KATNBL1: variants seen among roughly 807,000 people sequenced by gnomAD.
KATNBL1 encodes the protein KATNB1-like protein 1.
In KATNBL1, 28 loss-of-function variants were observed where a neutral mutation model predicts 44.7. That is an observed-to-expected ratio of 0.63 (90% confidence interval 0.46 to 0.86). The LOEUF (loss-of-function observed/expected upper bound fraction) is 0.86. Among genes scored for constraint, KATNBL1 ranks in the 40% least tolerant of loss-of-function variants. The pLI, the probability that KATNBL1 is intolerant of heterozygous loss-of-function variation, is 0.00. For missense variants in KATNBL1, 272 were observed against 350.7 expected (o/e 0.78, Z 1.79); for synonymous variants, 78 against 114.9 (o/e 0.68, Z 2.06).
At chr15:34,157,293 T>C (rs1412674335) in intron 2 of KATNBL1, among the ~76,000 whole-genome samples, 1 of 152,200 alleles carries the variant, frequency 6.6e-6, no homozygotes, top group African/African-American at 2.4e-5. Context: ...CCCATGATTC[T>C]GGAGGAGGTG....
intron 1 of KATNBL1, among the ~76,000 whole-genome samples, chr15:34,187,191 A>T (rs764067345): frequency 1.3e-5 from 2 of 152,190 alleles, no homozygotes; most frequent in Admixed American, 6.5e-5. Context: ...GGAAGAGAGA[A>T]GCTGCCCTAT....
chr15:34,145,245 C>T, intron 9 of KATNBL1, 153 bp downstream of exon 9: 1 of 1,409,200 alleles, frequency 7.1e-7, no homozygotes, highest in Non-Finnish European at 9.4e-7. Flanking sequence ...CAGTTACACG[C>T]AGAGGACCTG....
chr15:34,189,290 C>T (rs939434540), intron 1 of KATNBL1, among the ~76,000 whole-genome samples: 2 of 152,244 alleles, frequency 1.3e-5, no homozygotes, highest in African/African-American at 4.8e-5. Context: ...TCCCAAAGTG[C>T]TGGGATTACA....
intron 1 of KATNBL1, among the ~76,000 whole-genome samples, chr15:34,204,378 C>A (rs1002889820): frequency 3.9e-5 from 6 of 152,106 alleles, no homozygotes; most frequent in Non-Finnish European, 8.8e-5. Context: ...ATATTTAATT[C>A]TTTTCTTATT....
intron 1 of KATNBL1, among the ~76,000 whole-genome samples, chr15:34,193,282 C>T (rs1441070557): frequency 6.7e-6 from 1 of 149,700 alleles, no homozygotes; most frequent in Non-Finnish European, 1.5e-5. Context: ...GCCTGTAATC[C>T]CAGCACTTTG....
intron 1 of KATNBL1, among the ~76,000 whole-genome samples, chr15:34,194,093 C>T (rs944133826): frequency 3.9e-5 from 6 of 152,032 alleles, no homozygotes; most frequent in African/African-American, 9.7e-5. Flanking sequence ...AGGTGCACGC[C>T]ACCATGCCTG....
chr15:34,194,433 A>T (rs1025668152), intron 1 of KATNBL1, among the ~76,000 whole-genome samples: 1 of 151,868 alleles, frequency 6.6e-6, no homozygotes, highest in African/African-American at 2.4e-5. Flanking sequence ...ACATACTGAG[A>T]CCCTGTCTCT....
intron 3 of KATNBL1, 122 bp downstream of exon 3, chr15:34,154,522 A>G (rs746136954): frequency 1.1e-5 from 8 of 707,426 alleles, no homozygotes; most frequent in African/African-American, 7.2e-5. Flanking sequence ...ACTGGCATAA[A>G]GAAGCTGTTT....
intron 1 of KATNBL1, among the ~76,000 whole-genome samples, chr15:34,189,386 C>A (rs993236624): frequency 6.6e-6 from 1 of 152,224 alleles, no homozygotes; most frequent in Admixed American, 6.5e-5. Flanking sequence ...AACACCACCT[C>A]GCATTTGATA....
chr15:34,187,955 A>G (rs952706600), intron 1 of KATNBL1, among the ~76,000 whole-genome samples: 10 of 151,880 alleles, frequency 6.6e-5, no homozygotes, highest in African/African-American at 1.9e-4. Flanking sequence ...CCTGGCCAAC[A>G]TGGTGAAACC....
intron 1 of KATNBL1, among the ~76,000 whole-genome samples, chr15:34,197,481 T>C (rs531311705): frequency 2.7e-4 from 41 of 152,360 alleles, no homozygotes; most frequent in African/African-American, 9.6e-4. Context: ...AAACATCACC[T>C]ATGAGGCAAG....
At position 34,141,905 on chromosome 15, in the gene KATNBL1, T is replaced by G. The variant is rs1196190579; in HGVS notation, c.*434A>C. The stretch of plus-strand genomic sequence containing the variant: ...GAAAATAGCTGCACACATTTAAGTG[T>G]TTTTTTTTTTTAATAAAACACAATC... On this transcript the variant is annotated 3_prime_UTR_variant, in exon 10 of 10. Coordinates refer to ENST00000256544, the MANE Select transcript of KATNBL1 (RefSeq NM_024713.3). 7.1e-6 allele frequency: 1 copy of G among 140,530 alleles called. No individual in the cohort carries two copies. Among genetic ancestry groups the G allele is most frequent in the Non-Finnish European group, 1.5e-5 (1 of 65,610 alleles). 8.7% of individuals were successfully genotyped at this position (140,530 alleles called of 1,614,324 possible). A position where few individuals can be genotyped will look rare whatever the true frequency, so the allele number is the denominator to read the frequency against.
chr15:34,176,692 T>C (rs978123224), intron 1 of KATNBL1, among the ~76,000 whole-genome samples: 2 of 152,196 alleles, frequency 1.3e-5, no homozygotes, highest in African/African-American at 4.8e-5. Context: ...TACATTTTGG[T>C]ATGTACATTT....
chr15:34,186,910 A>G (rs1889732806), intron 1 of KATNBL1, among the ~76,000 whole-genome samples: 2 of 152,220 alleles, frequency 1.3e-5, no homozygotes, highest in South Asian at 4.1e-4. Flanking sequence ...CAAGGACAAG[A>G]ATGGGGACTC....
At chr15:34,181,830 C>CCATATATATA (rs1889567913) in intron 1 of KATNBL1, among the ~76,000 whole-genome samples, 1 of 96,314 alleles carries the variant, frequency 1.0e-5, no homozygotes, top group Non-Finnish European at 2.1e-5. Flanking sequence ...CCATATATAT[C>CCATATATATA]CATATATATA....
At chr15:34,178,755 C>CAAAAAAA (rs59061813) in intron 1 of KATNBL1, among the ~76,000 whole-genome samples, 1 of 122,676 alleles carries the variant, frequency 8.2e-6, no homozygotes, top group African/African-American at 3.4e-5. Context: ...GACTCTGTCT[C>CAAAAAAA]AAAAAAAAAA....
At chr15:34,173,725 T>C (rs547885037) in intron 1 of KATNBL1, among the ~76,000 whole-genome samples, 5 of 152,280 alleles carry the variant, frequency 3.3e-5, no homozygotes, top group African/African-American at 1.2e-4. Flanking sequence ...AATTAATTTA[T>C]AATAACTACT....
intron 9 of KATNBL1, among the ~76,000 whole-genome samples, chr15:34,143,435 A>G (rs1888210479): frequency 6.6e-6 from 1 of 152,154 alleles, no homozygotes; most frequent in Non-Finnish European, 1.5e-5. Flanking sequence ...ACTGCACTCC[A>G]GCCTGGACGA....
At chr15:34,202,675 T>G (rs773258694) in intron 1 of KATNBL1, among the ~76,000 whole-genome samples, 9 of 152,076 alleles carry the variant, frequency 5.9e-5, no homozygotes, top group Non-Finnish European at 1.0e-4. Context: ...TAACAAAAAT[T>G]AACATATTAA....
Sources: allele counts gnomAD v4.1 joint callset (sites outside exome capture counted in the v4.1 genomes callset), GRCh38; gene constraint gnomAD v4.1.1; transcripts MANE v1.5; gene names NCBI Gene and HGNC (gene_info 2026-07-23, HGNC 2026-07-21).